The following SLC30A9 variants were observed in gnomAD, a reference collection of about 807,000 sequenced individuals.
SLC30A9 encodes the protein proton-coupled zinc antiporter SLC30A9, mitochondrial.
A neutral mutation model predicts 87.5 loss-of-function variants in SLC30A9; 58 were observed. The observed-to-expected ratio is 0.66, with a 90% CI of 0.54 to 0.82. The LOEUF is 0.82. Among genes scored for constraint, SLC30A9 ranks in the 40% least tolerant of loss-of-function variants. The pLI is 0.00. For missense variants in SLC30A9, 557 were observed against 679.1 expected, an observed-to-expected ratio of 0.82 and a Z score of 2.00; for synonymous variants, 234 against 233.0, an observed-to-expected ratio of 1.00 and a Z score of -0.04.
At chr4:41,998,218 C>T (rs188952315) in intron 1 of SLC30A9, among the ~76,000 whole-genome samples, 27 of 152,228 alleles carry the variant, frequency 1.8e-4, no homozygotes, top group African/African-American at 6.3e-4. Flanking sequence ...AAAATAAAGA[C>T]GGAGAAGTGT....
At chr4:42,068,012 C>G (rs570112608) in intron 14 of SLC30A9, among the ~76,000 whole-genome samples, 11 of 152,320 alleles carry the variant, frequency 7.2e-5, no homozygotes, top group African/African-American at 2.6e-4. Context: ...GTGTTCCTTA[C>G]AATTTTCACT....
At chr4:42,017,099 T>C (rs1002488960) in intron 2 of SLC30A9, among the ~76,000 whole-genome samples, 1 of 152,182 alleles carries the variant, frequency 6.6e-6, no homozygotes, top group Non-Finnish European at 1.5e-5. Flanking sequence ...CTTGCCAACA[T>C]TAGGTATTCT....
chr4:41,992,279 T>C (rs923326920), intron 1 of SLC30A9, among the ~76,000 whole-genome samples: 10 of 151,056 alleles, frequency 6.6e-5, no homozygotes, highest in Admixed American at 1.3e-4. Context: ...AAATTGAGGC[T>C]GCAGTGAGCC....
At chr4:42,021,890 A>AC in intron 4 of SLC30A9, among the ~76,000 whole-genome samples, 1 of 144,906 alleles carries the variant, frequency 6.9e-6, no homozygotes, top group African/African-American at 2.7e-5. Context: ...AACTGGGACT[A>AC]TGGCTGTGCG....
chr4:42,053,611 C>T (rs1156764685), intron 9 of SLC30A9, among the ~76,000 whole-genome samples: 2 of 145,014 alleles, frequency 1.4e-5, no homozygotes, highest in South Asian at 2.2e-4. Flanking sequence ...ATCGCTTGAA[C>T]CCGGGAGGCG....
At chr4:42,043,833 C>T (rs909021734) in intron 8 of SLC30A9, among the ~76,000 whole-genome samples, 1 of 152,182 alleles carries the variant, frequency 6.6e-6, no homozygotes, top group Non-Finnish European at 1.5e-5. Context: ...GGTCGGGTTA[C>T]CCACAAAGGG....
chr4:42,054,119 C>A (rs780985545), intron 9 of SLC30A9, among the ~76,000 whole-genome samples: 60 of 152,102 alleles, frequency 3.9e-4, no homozygotes, highest in Non-Finnish European at 6.9e-4. Context: ...CATTGGGAGG[C>A]CGAGGTGGGC....
chr4:42,056,062 G>T (rs1030003602), intron 9 of SLC30A9, among the ~76,000 whole-genome samples: 8 of 152,156 alleles, frequency 5.3e-5, no homozygotes, highest in African/African-American at 1.4e-4. Context: ...AGGAGAGCTG[G>T]TTGGGGTGGT....
At chr4:42,000,110 T>C (rs532624169) in intron 1 of SLC30A9, among the ~76,000 whole-genome samples, 18 of 152,134 alleles carry the variant, frequency 1.2e-4, no homozygotes, top group Admixed American at 7.2e-4. Context: ...AAGAGAACAC[T>C]GAAAAAAATC....
chr4:42,035,139 A>C (rs752346807), intron 6 of SLC30A9, 136 bp from the exon 7 acceptor site: 2 of 823,262 alleles, frequency 2.4e-6, no homozygotes, highest in East Asian at 6.0e-5. Context: ...TACAAATCCA[A>C]ATTTTTTATA....
At chr4:41,991,139 C>G (rs1297340650) in intron 1 of SLC30A9, among the ~76,000 whole-genome samples, 1 of 152,276 alleles carries the variant, frequency 6.6e-6, no homozygotes, top group Non-Finnish European at 1.5e-5. Flanking sequence ...AGCTTTCCAG[C>G]GCACCTTCAT....
intron 8 of SLC30A9, among the ~76,000 whole-genome samples, chr4:42,045,311 C>G (rs1408991314): frequency 6.6e-6 from 1 of 151,946 alleles, no homozygotes; most frequent in East Asian, 1.9e-4. Flanking sequence ...ACATAGACCA[C>G]TAGCCAGACT....
At chr4:42,015,975 T>A (rs1242029030) in intron 2 of SLC30A9, among the ~76,000 whole-genome samples, 1 of 152,176 alleles carries the variant, frequency 6.6e-6, no homozygotes, top group Admixed American at 6.5e-5. Context: ...GCCTCCATGT[T>A]TAAAATACTA....
intron 9 of SLC30A9, among the ~76,000 whole-genome samples, chr4:42,055,328 A>C (rs1046633129): frequency 6.6e-6 from 1 of 152,170 alleles, no homozygotes; most frequent in Non-Finnish European, 1.5e-5. Flanking sequence ...TGAGAGACTT[A>C]AGTACCTCCA....
chr4:42,045,745 CA>C (rs1385923526), intron 8 of SLC30A9, among the ~76,000 whole-genome samples: 4 of 152,198 alleles, frequency 2.6e-5, no homozygotes, highest in Middle Eastern at 3.4e-3. Context: ...ATCCTGATAC[CA>C]AAACCTGGCA....
chr4:42,037,921 C>T (rs1470455506), intron 7 of SLC30A9, among the ~76,000 whole-genome samples: 1 of 152,120 alleles, frequency 6.6e-6, no homozygotes, highest in Non-Finnish European at 1.5e-5. Context: ...CGGGCACCCA[C>T]TACCACAGCC....
intron 15 of SLC30A9, among the ~76,000 whole-genome samples, chr4:42,072,407 T>A (rs1718347479): frequency 6.6e-6 from 1 of 152,142 alleles, no homozygotes; most frequent in Non-Finnish European, 1.5e-5. Flanking sequence ...CTACAAATTT[T>A]CCTTTAAGTA....
At chr4:42,062,960 G>T in intron 10 of SLC30A9, 26 bp from the exon 11 acceptor site, 1 of 1,598,218 alleles carries the variant, frequency 6.3e-7, no homozygotes, top group Non-Finnish European at 8.6e-7. Context: ...TATTTCTTGC[G>T]AACTATATTC....
At position 42,079,959 on chromosome 4, in the gene SLC30A9, G is replaced by A. The variant is rs768223671; in HGVS notation, c.1662+1634G>A. Among the ~76,000 whole-genome samples the A allele has an allele frequency of 6.0e-4, 92 of 152,222 alleles. No individual in the cohort carries two copies. In the Middle Eastern group the frequency reaches 0.017, roughly 28 times the overall value. ...GTTATATTTTCCAAAATGAAAAAAC[G>A]TAGTTAGAAGAGTGATATTTCACAT... On this transcript the variant is annotated intron_variant, in intron 17 of 17. Coordinates refer to ENST00000264451, the MANE Select transcript of SLC30A9 (RefSeq NM_006345.4).
Sources: allele counts gnomAD v4.1 joint callset (sites outside exome capture counted in the v4.1 genomes callset), GRCh38; gene constraint gnomAD v4.1.1; transcripts MANE v1.5; gene names NCBI Gene and HGNC (gene_info 2026-07-23, HGNC 2026-07-21).